BUD13: variants seen among roughly 807,000 people sequenced by gnomAD.
BUD13 encodes the protein BUD13 homolog.
BUD13 carries 47 observed loss-of-function variants against 62.5 expected under a neutral mutation model. The observed-to-expected ratio is 0.75, with a 90% CI of 0.60 to 0.96. The LOEUF is 0.96. Ranked by LOEUF, BUD13 falls within the 40% of genes least tolerant of loss-of-function variation. The probability of loss-of-function intolerance (pLI) is 0.00; values close to 1 mark genes in which losing one functional copy is unlikely to be tolerated. For missense variants in BUD13, 821 were observed against 790.9 expected (o/e 1.04, Z -0.46); for synonymous variants, 293 against 280.1 (o/e 1.05, Z -0.46).
chr11:116,770,846 T>G (rs894899189), intron 1 of BUD13, among the ~76,000 whole-genome samples: 16 of 151,748 alleles, frequency 1.1e-4, no homozygotes, highest in Non-Finnish European at 2.2e-4. Context: ...CAGGCTGGAG[T>G]GCAGGGACAC....
chr11:116,755,775 G>A (rs558557351), intron 9 of BUD13, among the ~76,000 whole-genome samples: 1 of 152,090 alleles, frequency 6.6e-6, no homozygotes, highest in Admixed American at 6.5e-5. Context: ...TAAATATACA[G>A]TAATTATGTT....
Position 116,764,421 on chromosome 11 carries a change from T to A in BUD13, c.322+941A>T, listed in dbSNP as rs150602168. Among the ~76,000 whole-genome samples the A allele has an allele frequency of 3.3e-3, 505 of 152,088 alleles. 6 individuals carry two copies. The highest frequency in any genetic ancestry group is 3.4e-3 in the Middle Eastern group (1 of 294). On this transcript the variant is annotated intron_variant, in intron 3 of 9. Transcript: ENST00000260210. ...ACAGTAAATCTGAAGGAAGCAAGGG[T>A]CAGAGATTGGTAAGCGTACTTCCAA...
At chr11:116,764,563 C>T (rs2134181577) in intron 3 of BUD13, among the ~76,000 whole-genome samples, 1 of 152,182 alleles carries the variant, frequency 6.6e-6, no homozygotes. Flanking sequence ...CAAGAAAAGG[C>T]ACCGTGTGTA....
intron 9 of BUD13, among the ~76,000 whole-genome samples, chr11:116,749,382 A>C (rs1456603994): frequency 6.6e-6 from 1 of 152,210 alleles, no homozygotes; most frequent in Non-Finnish European, 1.5e-5. Flanking sequence ...GGTGTCATGG[A>C]AACAGAATGG....
chr11:116,764,848 T>A (rs1302204688), intron 3 of BUD13, among the ~76,000 whole-genome samples: 2 of 152,164 alleles, frequency 1.3e-5, no homozygotes, highest in African/African-American at 4.8e-5. Context: ...GATTATTAGC[T>A]TAGGAAGAGT....
chr11:116,748,183 A>C lies in BUD13; in HGVS notation c.*299T>G, dbSNP rs1940173376. ...CAGTTAAGAAGATAATTTTAAAAAA[A>C]TAAATACATGTTTATTTAAAAAAGA... On this transcript the variant is annotated 3_prime_UTR_variant, in exon 10 of 10. Coordinates refer to ENST00000260210, the MANE Select transcript of BUD13 (RefSeq NM_032725.4). 1.2e-5 allele frequency: 3 copies of C among 260,780 alleles called. No individual in the cohort carries two copies. The highest frequency in any genetic ancestry group is 2.2e-5 in the Non-Finnish European group (3 of 136,832). The allele number at this position is 260,780 out of a possible 1,614,324, so 16.2% of individuals were successfully genotyped here.
chr11:116,759,025 A>AG (rs756593763), intron 6 of BUD13, 49 bp downstream of exon 6: 2 of 1,416,888 alleles, frequency 1.4e-6, no homozygotes, highest in Non-Finnish European at 2.0e-6. Flanking sequence ...AATTAAAAAA[A>AG]AAAAAACAGT....
In BUD13 at chr11:116,748,940, G is replaced by A. The variant is rs11824113; in HGVS notation, c.1767-365C>T. Among the ~76,000 whole-genome samples the A allele has an allele frequency of 7.1e-3, 1,002 of 141,822 alleles. 7 individuals are homozygous for A. The highest frequency in any genetic ancestry group is 0.025 in the African/African-American group (935 of 37,788). 93.0% of individuals were successfully genotyped at this position (141,822 alleles called of 152,430 possible). A position where few individuals can be genotyped will look rare whatever the true frequency, so the allele number is the denominator to read the frequency against. ...GCAGAGGTTGCAGTGAGCGGAGATC[G>A]TGCCACTGCACTCCAGCCTGGGTGA... On this transcript the variant is annotated intron_variant, in intron 9 of 9. Coordinates refer to ENST00000260210, the MANE Select transcript of BUD13 (RefSeq NM_032725.4).
intron 9 of BUD13, among the ~76,000 whole-genome samples, chr11:116,752,010 C>A (rs1175266485): frequency 6.6e-6 from 1 of 152,138 alleles, no homozygotes; most frequent in Non-Finnish European, 1.5e-5. Context: ...GTGGCACGAT[C>A]TCGGCTCACT....
Position 116,758,185 on chromosome 11 carries a change from T to A in BUD13, c.1499+84A>T, listed in dbSNP as rs1270495015. The A allele has an allele frequency of 1.1e-5, 17 of 1,566,448 alleles. No individual in the cohort carries two copies. In the Middle Eastern group the frequency reaches 5.1e-4, roughly 47 times the overall value. The stretch of plus-strand genomic sequence containing the variant: ...ACTGATAACAGCTCTGAAGGCATAA[T>A]AAGAAAGTGAGTGATCAGAAGAGCA... On this transcript the variant is annotated intron_variant, in intron 7 of 9. Coordinates refer to ENST00000260210, the MANE Select transcript of BUD13 (RefSeq NM_032725.4).
chr11:116,762,326 G>A (rs952802915), intron 4 of BUD13, among the ~76,000 whole-genome samples: 1 of 152,120 alleles, frequency 6.6e-6, no homozygotes, highest in African/African-American at 2.4e-5. Context: ...CAAAGCTTCT[G>A]CAACAAATAA....
In BUD13 at chr11:116,752,282, T is replaced by C. The variant is rs550303184; in HGVS notation, c.1767-3707A>G. On this transcript the variant is annotated intron_variant, in intron 9 of 9. Transcript: ENST00000260210. Reference sequence around the variant, plus strand: ...TCAATTAAGAGAGGCTGGGTAATTATCTTATGGGTTTTTCCAACAGATACT... The same window carrying C: ...TCAATTAAGAGAGGCTGGGTAATTACCTTATGGGTTTTTCCAACAGATACT... Among the ~76,000 whole-genome samples, 3 of 152,100 alleles carry C rather than the reference T, an allele frequency of 2.0e-5. No homozygotes were observed. In the East Asian group the frequency reaches 5.8e-4, roughly 29 times the overall value.
rs1392227782 is a variant in BUD13, at chr11:116,772,945, A to T, written c.20T>A (p.Leu7His). MAAAPP[L>H]SKAEYLKRYL... ...ACGCTTCAGATACTCGGCCTTGGAA[A>T]GCGGCGGAGCTGCCGCCATGGCAGC... The change falls in exon 1 of 10, where the codon CTT becomes CAT. Residue 7 changes from leucine to histidine, a missense_variant. Physicochemically the swap from Leu to His is moderately conservative, Grantham distance 99 (BLOSUM62 -3). This residue lies in a region of BUD13 where 800 missense variants were observed against 739.2 expected (regional missense o/e 1.08). Coordinates refer to ENST00000260210, the MANE Select transcript of BUD13 (RefSeq NM_032725.4). The T allele has an allele frequency of 2.5e-6, 4 of 1,569,578 alleles. No homozygotes were observed. The highest frequency in any genetic ancestry group is 3.5e-6 in the Non-Finnish European group (4 of 1,156,572).
At chr11:116,749,569 G>T (rs184823627) in intron 9 of BUD13, among the ~76,000 whole-genome samples, 1 of 152,280 alleles carries the variant, frequency 6.6e-6, no homozygotes, top group Non-Finnish European at 1.5e-5. Context: ...ATAAGAAGTG[G>T]CCTGGTATGT....
At chr11:116,753,949 T>A (rs756029072) in intron 9 of BUD13, among the ~76,000 whole-genome samples, 9 of 152,222 alleles carry the variant, frequency 5.9e-5, no homozygotes, top group Non-Finnish European at 1.3e-4. Context: ...AACACTACCT[T>A]ATATAGCTAC....
At chr11:116,765,517 T>C in intron 2 of BUD13, 71 bp from the exon 3 acceptor site, 1 of 1,541,488 alleles carries the variant, frequency 6.5e-7, no homozygotes, top group South Asian at 1.1e-5. Context: ...CTCAAGAACC[T>C]GAAGTTACAA....
intron 5 of BUD13, among the ~76,000 whole-genome samples, chr11:116,760,415 A>C (rs1404424378): frequency 1.3e-5 from 2 of 152,202 alleles, no homozygotes; most frequent in African/African-American, 2.4e-5. Context: ...TGTGCTCCAA[A>C]CTTCACTCTG....
intron 8 of BUD13, 95 bp from the exon 9 acceptor site, chr11:116,757,322 G>A (rs934884024): frequency 2.5e-5 from 27 of 1,097,050 alleles, no homozygotes; most frequent in African/African-American, 4.7e-5. Flanking sequence ...TTTTAGTAGA[G>A]TCTCACTCTG....
intron 9 of BUD13, among the ~76,000 whole-genome samples, chr11:116,756,293 C>T (rs1263905075): frequency 6.6e-6 from 1 of 151,936 alleles, no homozygotes; most frequent in Non-Finnish European, 1.5e-5. Flanking sequence ...GGGCGGGTCA[C>T]CTGAGGTCAG....
Sources: gnomAD v4.1 joint callset for allele counts (sites outside exome capture counted in the v4.1 genomes callset) on GRCh38, gnomAD v4.1.1 for gene constraint, gnomAD v4.1.1 regional missense constraint, MANE v1.5 for transcripts, NCBI Gene and HGNC (gene_info 2026-07-23, HGNC 2026-07-21) for gene names.